Variants in CACNG2 observed in about 807,000 individuals in gnomAD.
CACNG2 encodes the protein voltage-dependent calcium channel gamma-2 subunit.
In CACNG2, 3 loss-of-function variants were observed where a neutral mutation model predicts 25.9. That is an observed-to-expected ratio of 0.12 (90% CI 0.05 to 0.30). CACNG2 has a LOEUF of 0.30. CACNG2 is among the 10% of genes least tolerant of loss of function. The pLI is 1.00. For synonymous variants in CACNG2, 167 were observed against 173.3 expected (o/e 0.96, Z 0.29); for missense variants, 341 against 432.5 (o/e 0.79, Z 1.88).
chr22:36,674,202 C>T (rs1386000355), intron 1 of CACNG2, among the ~76,000 whole-genome samples: 1 of 152,244 alleles, frequency 6.6e-6, no homozygotes, highest in Non-Finnish European at 1.5e-5. Context: ...CTTGGCTCCA[C>T]CACCCCTGAG....
intron 1 of CACNG2, among the ~76,000 whole-genome samples, chr22:36,612,424 A>G (rs1935956825): frequency 6.6e-6 from 1 of 152,214 alleles, no homozygotes; most frequent in Admixed American, 6.5e-5. Flanking sequence ...CTACAACCAC[A>G]TTGAGAATAA....
At chr22:36,611,662 T>C (rs1202296733) in intron 1 of CACNG2, among the ~76,000 whole-genome samples, 1 of 152,146 alleles carries the variant, frequency 6.6e-6, no homozygotes, top group Admixed American at 6.5e-5. Context: ...GCCCCTCCAC[T>C]GGGATCTCTT....
At chr22:36,618,986 C>G (rs1435721575) in intron 1 of CACNG2, among the ~76,000 whole-genome samples, 1 of 152,142 alleles carries the variant, frequency 6.6e-6, no homozygotes, top group Non-Finnish European at 1.5e-5. Context: ...CCTTAGAGAA[C>G]AGGGCAGGAA....
rs573410153 is a variant in CACNG2, at chr22:36,606,434, C to G, written c.212-18886G>C. ...AAGGAACGCCTCTAAAGATTCATTG[C>G]TCGTGTAAGTGAAAGAGCTGGGCTC... On this transcript the variant is annotated intron_variant, in intron 1 of 3. Coordinates refer to ENST00000300105, the MANE Select transcript of CACNG2 (RefSeq NM_006078.5). The surrounding 1 kb of genome is among the most constrained non-coding windows in gnomAD (Gnocchi z 5.7). Among the ~76,000 whole-genome samples, 1 of 152,254 alleles carries G rather than the reference C, an allele frequency of 6.6e-6. No homozygotes were observed. The highest frequency in any genetic ancestry group is 1.5e-5 in the Non-Finnish European group (1 of 68,018).
At chr22:36,681,072 G>A (rs550372506) in intron 1 of CACNG2, among the ~76,000 whole-genome samples, 62 of 152,100 alleles carry the variant, frequency 4.1e-4, no homozygotes, top group Admixed American at 7.9e-4. Context: ...TCTTTTTCAC[G>A]AGTAAGTTAG....
chr22:36,640,739 C>A (rs1348625168), intron 1 of CACNG2, among the ~76,000 whole-genome samples: 1 of 152,244 alleles, frequency 6.6e-6, no homozygotes, highest in African/African-American at 2.4e-5. Flanking sequence ...GTCCACCCAG[C>A]AGCCAGAGCC....
intron 1 of CACNG2, among the ~76,000 whole-genome samples, chr22:36,680,202 C>T (rs1331231758): frequency 3.3e-5 from 5 of 151,598 alleles, no homozygotes; most frequent in African/African-American, 1.2e-4. Flanking sequence ...CTACCACCAC[C>T]ATCACTGTCA....
intron 2 of CACNG2, among the ~76,000 whole-genome samples, chr22:36,586,949 A>AATC (rs397774329): frequency 6.2e-5 from 8 of 129,458 alleles, no homozygotes; most frequent in African/African-American, 3.1e-4. Context: ...GGAAGAAAAA[A>AATC]TCTCTCTCTT....
At chr22:36,600,014 C>T (rs968865966) in intron 1 of CACNG2, among the ~76,000 whole-genome samples, 3 of 152,112 alleles carry the variant, frequency 2.0e-5, no homozygotes, top group South Asian at 2.1e-4. Context: ...GGAGGAATGG[C>T]CTTTAGGGCA....
intron 1 of CACNG2, among the ~76,000 whole-genome samples, chr22:36,689,759 G>C (rs529691674): frequency 6.6e-6 from 1 of 152,228 alleles, no homozygotes; most frequent in Non-Finnish European, 1.5e-5. Context: ...TTGGCACCTG[G>C]CATTCAGTTA....
intron 1 of CACNG2, among the ~76,000 whole-genome samples, chr22:36,676,567 C>T (rs911748964): frequency 3.3e-5 from 5 of 152,206 alleles, no homozygotes; most frequent in Non-Finnish European, 7.3e-5. Flanking sequence ...AGCTGCCCTG[C>T]GAAGCCCAGG....
At chr22:36,663,774 T>G (rs1936834773) in intron 1 of CACNG2, among the ~76,000 whole-genome samples, 1 of 152,168 alleles carries the variant, frequency 6.6e-6, no homozygotes, top group African/African-American at 2.4e-5. Flanking sequence ...CGCTGTGTCC[T>G]GGGCAAGAAC....
intron 1 of CACNG2, among the ~76,000 whole-genome samples, chr22:36,699,499 C>A (rs543629637): frequency 2.1e-4 from 32 of 151,778 alleles, no homozygotes; most frequent in African/African-American, 7.7e-4. Context: ...AGACAAAAAG[C>A]CCTAATGAAA....
At chr22:36,571,468 A>G (rs1370597440) in intron 2 of CACNG2, among the ~76,000 whole-genome samples, 1 of 151,840 alleles carries the variant, frequency 6.6e-6, no homozygotes, top group East Asian at 1.9e-4. Flanking sequence ...GAAAAAAAGA[A>G]AAAAGAAATG....
chr22:36,694,237 G>A (rs879726230), intron 1 of CACNG2, among the ~76,000 whole-genome samples: 3 of 152,174 alleles, frequency 2.0e-5, no homozygotes, highest in Non-Finnish European at 2.9e-5. Flanking sequence ...AAATTAGAGT[G>A]TATTTTATAA....
chr22:36,576,481 C>A (rs1341402559), intron 2 of CACNG2, among the ~76,000 whole-genome samples: 1 of 151,536 alleles, frequency 6.6e-6, no homozygotes, highest in African/African-American at 2.4e-5. Context: ...CACTGAAGAA[C>A]TAACTCATGT....
intron 1 of CACNG2, among the ~76,000 whole-genome samples, chr22:36,659,037 T>C (rs531421286): frequency 3.3e-5 from 5 of 152,286 alleles, no homozygotes; most frequent in South Asian, 2.1e-4. Flanking sequence ...AAGAGAAGCA[T>C]TGGAGTCAGA....
chr22:36,621,290 C>T (rs1368245505), intron 1 of CACNG2, among the ~76,000 whole-genome samples: 1 of 152,152 alleles, frequency 6.6e-6, no homozygotes, highest in Admixed American at 6.5e-5. Flanking sequence ...GGCGAATCAC[C>T]TGAGGTCAGG....
At position 36,564,972 on chromosome 22, in the gene CACNG2, A is replaced by G. The variant is rs1272252570; in HGVS notation, c.437-86T>C. 5.5e-6 allele frequency: 7 copies of G among 1,261,388 alleles called. No homozygotes were observed. The highest frequency in any genetic ancestry group is 1.2e-5 in the South Asian group (1 of 83,682). The allele number at this position is 1,261,388 out of a possible 1,614,324, so 78.1% of individuals were successfully genotyped here. ...GTCGGCCACAGGGCAGCCGTAAAGG[A>G]CGGGGACAGCTGTGTGGGCCTTCCC... is the stretch of plus-strand genomic sequence containing the variant. On this transcript the variant is annotated intron_variant, in intron 3 of 3. Transcript: ENST00000300105. This position sits in a 1 kb window ranked among gnomAD's most constrained non-coding sequence, Gnocchi z 6.7.
Sources: allele counts gnomAD v4.1 joint callset (sites outside exome capture counted in the v4.1 genomes callset), GRCh38; gene constraint gnomAD v4.1.1; non-coding constraint Gnocchi (gnomAD v3.1); transcripts MANE v1.5; gene names NCBI Gene and HGNC (gene_info 2026-07-23, HGNC 2026-07-21).